The following GOLGA4 variants were observed in gnomAD, a reference collection of about 807,000 sequenced individuals.
The protein encoded by GOLGA4 is golgin A4, also known as golgin subfamily A member 4.
GOLGA4 carries 169 observed loss-of-function variants against 265.9 expected under a neutral mutation model. That is an observed-to-expected ratio of 0.64 (90% confidence interval 0.56 to 0.72). The LOEUF (loss-of-function observed/expected upper bound fraction) is 0.72, where lower values mean the gene tolerates loss of function less well. GOLGA4 is among the 30% of genes least tolerant of loss of function. GOLGA4 has a pLI of 0.00. For synonymous variants in GOLGA4, 923 were observed against 855.8 expected (o/e 1.08, Z -1.37); for missense variants, 2,482 against 2,483.4 (o/e 1.00, Z 0.01).
intron 2 of GOLGA4, among the ~76,000 whole-genome samples, chr3:37,254,441 T>G (rs2150612612): frequency 6.6e-6 from 1 of 151,988 alleles, no homozygotes; most frequent in South Asian, 2.1e-4. Flanking sequence ...TAAATAAAGG[T>G]TTTTTTGTTT....
At position 37,312,212 on chromosome 3, in the gene GOLGA4, A is replaced by G. The variant is rs186081549; in HGVS notation, c.1235-3208A>G. ...TGATGACACCTAAGCATTAAAAGACATTGTCATAACCTTTTTTCATTCCTC... is the reference window on the plus strand; with the variant it reads ...TGATGACACCTAAGCATTAAAAGACGTTGTCATAACCTTTTTTCATTCCTC... On this transcript the variant is annotated intron_variant, in intron 10 of 23. Coordinates refer to ENST00000361924, the MANE Select transcript of GOLGA4 (RefSeq NM_002078.5). Among the ~76,000 whole-genome samples, 106 of 152,324 alleles carry G rather than the reference A, an allele frequency of 7.0e-4. 1 individual carries two copies. The highest frequency in any genetic ancestry group is 2.3e-3 in the African/African-American group (95 of 41,578).
intron 10 of GOLGA4, among the ~76,000 whole-genome samples, chr3:37,303,760 G>T (rs558562898): frequency 1.3e-5 from 2 of 152,168 alleles, no homozygotes; most frequent in East Asian, 3.9e-4. Context: ...AGCTGCTTCT[G>T]CTGACGCTTA....
chr3:37,352,040 T>C (rs2097076212), intron 21 of GOLGA4, among the ~76,000 whole-genome samples: 1 of 152,092 alleles, frequency 6.6e-6, no homozygotes, highest in Non-Finnish European at 1.5e-5. Context: ...GGCTGTTTCA[T>C]CTACACAGAA....
chr3:37,361,165 CATATACACATACAATCTATGT>C, intron 22 of GOLGA4, 57 bp from the exon 23 acceptor site: 1 of 1,071,692 alleles, frequency 9.3e-7, no homozygotes, highest in South Asian at 1.2e-5. Context: ...CTATGAACTT[CATATACACATACAATCTATGT>C]GTTATATTAA....
chr3:37,273,397 C>T, intron 2 of GOLGA4: 1 of 606,242 alleles, frequency 1.6e-6, no homozygotes, highest in South Asian at 2.0e-5. Context: ...TGAAAACATT[C>T]TAATAAATGA....
intron 19 of GOLGA4, among the ~76,000 whole-genome samples, chr3:37,338,327 A>G (rs965650531): frequency 2.0e-5 from 3 of 152,218 alleles, no homozygotes; most frequent in Non-Finnish European, 2.9e-5. Context: ...AAAAATCTTG[A>G]TAATTGTTAG....
chr3:37,323,204 G>T (rs1462632421), intron 13 of GOLGA4, among the ~76,000 whole-genome samples: 3 of 142,428 alleles, frequency 2.1e-5, no homozygotes, highest in Non-Finnish European at 3.0e-5. Flanking sequence ...TCGGCTCACT[G>T]CAGCCTCTGC....
chr3:37,354,226 C>G (rs2151066514), intron 21 of GOLGA4, among the ~76,000 whole-genome samples: 1 of 152,142 alleles, frequency 6.6e-6, no homozygotes. Context: ...CCCCCATATG[C>G]AAAGTCTATG....
At position 37,327,714 on chromosome 3, in the gene GOLGA4, G is replaced by T. The variant is rs755969021; in HGVS notation, c.5828G>T (p.Gly1943Val). The change falls in exon 14 of 24, where the codon GGC (glycine) becomes GTC (valine). Residue 1943 changes from glycine (G) to valine (V), a missense_variant. Physicochemically the swap from Gly to Val is moderately radical, Grantham distance 109. This residue lies in a region of GOLGA4 where 942 missense variants were observed against 983.1 expected (regional missense o/e 0.96). Coordinates refer to ENST00000361924, the MANE Select transcript of GOLGA4 (RefSeq NM_002078.5). ...AGAEREKQKLGKEIVRLQKDL... is the reference protein window; with the variant it reads ...AGAEREKQKLVKEIVRLQKDL... ...GCAGAACGGGAGAAACAGAAACTGG[G>T]CAAGGAGATTGTTAGATTGCAGAAA... 38 of 1,613,726 alleles carry T rather than the reference G, an allele frequency of 2.4e-5. No individual in the cohort carries two copies. The Admixed American group carries it at 3.0e-4, about 13-fold the overall frequency.
chr3:37,262,514 A>G (rs2150673585), intron 2 of GOLGA4, among the ~76,000 whole-genome samples: 1 of 148,622 alleles, frequency 6.7e-6, no homozygotes, highest in East Asian at 1.9e-4. Flanking sequence ...AAAAAAAGAA[A>G]AAAATCCTGG....
chr3:37,319,182 G>C lies in GOLGA4; in HGVS notation c.1533G>C (p.Met511Ile). 1 of 1,606,978 alleles carries C rather than the reference G, an allele frequency of 6.2e-7. No individual in the cohort carries two copies. Among genetic ancestry groups the C allele is most frequent in the Non-Finnish European group, 8.5e-7 (1 of 1,177,126 alleles). Residue 511 changes from methionine to isoleucine, a missense_variant, in exon 12 of 24, where the codon ATG becomes ATC. Physicochemically the swap from Met to Ile is conservative, Grantham distance 10. Coordinates refer to ENST00000361924, the MANE Select transcript of GOLGA4 (RefSeq NM_002078.5). Reference sequence around the variant, plus strand: ...GAGAAAGGGAATTTCAGGAACAAATGAAAGTAGCTCTTGTAAGTGACTATT... The same window carrying C: ...GAGAAAGGGAATTTCAGGAACAAATCAAAGTAGCTCTTGTAAGTGACTATT... ...QTREREFQEQ[M>I]KVALEKSQSE...
intron 16 of GOLGA4, among the ~76,000 whole-genome samples, chr3:37,331,007 G>A (rs1218317242): frequency 6.7e-6 from 1 of 149,366 alleles, no homozygotes; most frequent in African/African-American, 2.5e-5. Flanking sequence ...CTCCAGCCTG[G>A]GCGACAGAGT....
rs150102908 is a variant in GOLGA4 at position 37,252,685 on chromosome 3, G to A, written c.162+1201G>A. 4.6e-4 allele frequency among the ~76,000 whole-genome samples: 70 copies of A among 152,136 alleles called. 3 individuals carry two copies. In the East Asian group the frequency reaches 0.013, roughly 28 times the overall value. The stretch of plus-strand genomic sequence containing the variant: ...TCTTTTTCATTTCAGCTGTTCTGGT[G>A]GTGGTCTTTCATTTTGGTTTTAATT... On this transcript the variant is annotated intron_variant, in intron 2 of 23. Coordinates refer to ENST00000361924, the MANE Select transcript of GOLGA4 (RefSeq NM_002078.5).
At chr3:37,336,845 C>G (rs1342379190) in intron 17 of GOLGA4, among the ~76,000 whole-genome samples, 1 of 152,040 alleles carries the variant, frequency 6.6e-6, no homozygotes, top group Non-Finnish European at 1.5e-5. Flanking sequence ...ATTTTTATTT[C>G]TACTCAACAT....
At chr3:37,284,711 TGGAGTGCA>T (rs1366428752) in intron 3 of GOLGA4, among the ~76,000 whole-genome samples, 1 of 151,288 alleles carries the variant, frequency 6.6e-6, no homozygotes, top group Non-Finnish European at 1.5e-5. Flanking sequence ...TCACCCAGGC[TGGAGTGCA>T]GTGGCATCAT....
rs202009430 is a variant in GOLGA4, at chr3:37,337,169, G to A, written c.6327+6G>A. On this transcript the variant is annotated splice_donor_region_variant and intron_variant, in intron 18 of 23. Coordinates refer to ENST00000361924, the MANE Select transcript of GOLGA4 (RefSeq NM_002078.5). ...TAACAATTATGGAGCTACAGGTAAG[G>A]CTAGTTCTTCTTTTTTTTTTTTTCT... is the stretch of plus-strand genomic sequence containing the variant. 3.0e-5 allele frequency: 42 copies of A among 1,420,254 alleles called. No individual in the cohort carries two copies. The highest frequency in any genetic ancestry group is 3.7e-4 in the Middle Eastern group (2 of 5,466). 88.0% of individuals were successfully genotyped at this position (1,420,254 alleles called of 1,614,324 possible).
rs141463650 is a variant in GOLGA4, at chr3:37,298,942, A to G, written c.924A>G (p.Gln308=). 124 of 1,612,638 alleles carry G rather than the reference A, an allele frequency of 7.7e-5. No individual in the cohort carries two copies. The highest frequency in any genetic ancestry group is 1.0e-4 in the Non-Finnish European group (119 of 1,178,782). Residue 308 remains glutamine, a synonymous_variant, in exon 8 of 24, where the codon CAA becomes CAG. Coordinates refer to ENST00000361924, the MANE Select transcript of GOLGA4 (RefSeq NM_002078.5). ...CKETIQSHKE[Q]CTLLTSEKEA... ...AAACAATTCAGTCACATAAGGAACA[A>G]TGTACACTATTAACTAGTGAAAAAG...
At chr3:37,248,486 A>AG (rs1262777640) in intron 1 of GOLGA4, among the ~76,000 whole-genome samples, 2 of 152,228 alleles carry the variant, frequency 1.3e-5, no homozygotes, top group African/African-American at 4.8e-5. Context: ...TCTTGAAGTG[A>AG]GGATAGCCCA....
intron 21 of GOLGA4, among the ~76,000 whole-genome samples, chr3:37,353,295 A>C (rs1397652564): frequency 1.3e-5 from 2 of 152,188 alleles, no homozygotes; most frequent in East Asian, 3.9e-4. Flanking sequence ...GCACCAATAG[A>C]CTTGCTTGAC....
Sources: allele counts gnomAD v4.1 joint callset (sites outside exome capture counted in the v4.1 genomes callset), GRCh38; gene constraint gnomAD v4.1.1; regional missense constraint gnomAD v4.1.1; transcripts MANE v1.5; gene names NCBI Gene and HGNC (gene_info 2026-07-23, HGNC 2026-07-21).